Variants in TSEN2 observed in about 807,000 individuals in gnomAD.
The protein encoded by TSEN2 is tRNA splicing endonuclease subunit 2.
A neutral mutation model predicts 59.2 loss-of-function variants in TSEN2; 54 were observed. The ratio of observed to expected loss-of-function variants is 0.91; its 90% CI spans 0.73 to 1.14. The LOEUF (loss-of-function observed/expected upper bound fraction) is 1.14, where lower values mean the gene tolerates loss of function less well. Among genes scored for constraint, TSEN2 ranks in the 50% most tolerant of loss-of-function variants. The pLI is 0.00. For synonymous variants in TSEN2, 195 were observed against 198.2 expected (o/e 0.98, Z 0.14); for missense variants, 636 against 576.2 (o/e 1.10, Z -1.06).
intron 8 of TSEN2, among the ~76,000 whole-genome samples, chr3:12,522,197 G>A (rs2056703202): frequency 6.6e-6 from 1 of 151,886 alleles, no homozygotes; most frequent in Non-Finnish European, 1.5e-5. Flanking sequence ...GATGCATAGG[G>A]GAAGCTTCCT....
intron 1 of TSEN2, 107 bp downstream of exon 1, chr3:12,484,987 C>G (rs1041768157): frequency 2.0e-5 from 3 of 152,316 alleles, no homozygotes; most frequent in African/African-American, 4.8e-5. Context: ...TGGTAGGCCC[C>G]GAACGAAACG....
At chr3:12,517,219 G>C (rs1026750936) in intron 7 of TSEN2, among the ~76,000 whole-genome samples, 2 of 151,982 alleles carry the variant, frequency 1.3e-5, no homozygotes, top group Non-Finnish European at 2.9e-5. Context: ...TTAGCCGGGC[G>C]TGTTGGCATG....
At chr3:12,492,783 A>G (rs1559280468) in intron 3 of TSEN2, among the ~76,000 whole-genome samples, 1 of 152,228 alleles carries the variant, frequency 6.6e-6, no homozygotes, top group Non-Finnish European at 1.5e-5. Flanking sequence ...CAGAAATCCA[A>G]AAGTCTGACA....
chr3:12,530,833 T>G (rs1382516271), intron 10 of TSEN2: 1 of 876,226 alleles, frequency 1.1e-6, no homozygotes. Flanking sequence ...ACAAAACCGT[T>G]TTTTCTTCTC....
Position 12,532,956 on chromosome 3 carries a change from T to G in TSEN2, c.*235T>G, listed in dbSNP as rs1575483736. The G allele has an allele frequency of 3.5e-6, 2 of 576,174 alleles. No individual in the cohort carries two copies. Among genetic ancestry groups the G allele is most frequent in the East Asian group, 3.0e-5 (1 of 33,770 alleles). 35.7% of individuals were successfully genotyped at this position (576,174 alleles called of 1,614,324 possible). Reference sequence around the variant, plus strand: ...GCCTCTAACTCTCCAATCCAGAGCCTCCTGCCTCTGGCGTCAGTCTTTTCC... The same window carrying G: ...GCCTCTAACTCTCCAATCCAGAGCCGCCTGCCTCTGGCGTCAGTCTTTTCC... On this transcript the variant is annotated 3_prime_UTR_variant, in exon 12 of 12. Transcript: ENST00000284995.
intron 6 of TSEN2, among the ~76,000 whole-genome samples, chr3:12,512,970 C>T (rs769605369): frequency 1.1e-4 from 17 of 152,224 alleles, no homozygotes; most frequent in African/African-American, 2.9e-4. Context: ...ATTAGTACTG[C>T]GAAAGTAAAA....
intron 8 of TSEN2, among the ~76,000 whole-genome samples, chr3:12,523,595 A>ACGATCT (rs2056845327): frequency 7.8e-6 from 1 of 127,396 alleles, no homozygotes; most frequent in Non-Finnish European, 1.6e-5. Context: ...GTGCAGTGGC[A>ACGATCT]CGATCTCGAT....
chr3:12,537,492 C>T (rs150026250), downstream of TSEN2, among the ~76,000 whole-genome samples: 443 of 152,304 alleles, frequency 2.9e-3, 2 homozygotes, highest in African/African-American at 0.01. Context: ...TTTTAGCTGA[C>T]TTTTATTGTT....
chr3:12,488,573 T>G (rs1559270184), intron 1 of TSEN2, among the ~76,000 whole-genome samples: 2 of 152,228 alleles, frequency 1.3e-5, no homozygotes, highest in Non-Finnish European at 2.9e-5. Context: ...TAGACATTAG[T>G]GGATAACAGC....
In TSEN2 at chr3:12,510,455, A is replaced by G. The variant is rs544048989; in HGVS notation, c.909+5224A>G. 9.8e-5 allele frequency among the ~76,000 whole-genome samples: 15 copies of G among 152,288 alleles called. No individual in the cohort carries two copies. In the South Asian group the frequency reaches 3.1e-3, roughly 32 times the overall value. On this transcript the variant is annotated intron_variant, in intron 6 of 11. Coordinates refer to ENST00000284995, the MANE Select transcript of TSEN2 (RefSeq NM_025265.4). ...TAAAGCTTTTAAAGTGCGTGAGAAA[A>G]TTTCTCTTATTTAGAAAATAAAGAC...
intron 1 of TSEN2, among the ~76,000 whole-genome samples, chr3:12,485,226 G>A (rs956519906): frequency 1.3e-5 from 2 of 152,192 alleles, no homozygotes; most frequent in African/African-American, 4.8e-5. Flanking sequence ...TTTTAACCAG[G>A]TTTGTTTGGC....
chr3:12,492,101 G>A, intron 2 of TSEN2, 35 bp from the exon 3 acceptor site: 1 of 1,576,124 alleles, frequency 6.3e-7, no homozygotes, highest in African/African-American at 1.3e-5. Context: ...TGGTAACTAA[G>A]CATGAACTAA....
At chr3:12,510,137 G>A (rs1194095522) in intron 6 of TSEN2, among the ~76,000 whole-genome samples, 1 of 152,162 alleles carries the variant, frequency 6.6e-6, no homozygotes, top group Admixed American at 6.6e-5. Context: ...ATTGAATTGA[G>A]GTATATCAAA....
chr3:12,531,639 A>G lies in TSEN2; in HGVS notation c.1318A>G (p.Met440Val), dbSNP rs1271225288. 1.2e-6 allele frequency: 2 copies of G among 1,610,704 alleles called. No individual in the cohort carries two copies. Among genetic ancestry groups the G allele is most frequent in the Non-Finnish European group, 8.5e-7 (1 of 1,176,804 alleles). The change falls in exon 11 of 12, where the codon ATG becomes GTG. Residue 440 changes from methionine (M) to valine (V), a missense_variant. Coordinates refer to ENST00000284995, the MANE Select transcript of TSEN2 (RefSeq NM_025265.4). ...TDKEMESPEC[M>V]KRIKVQEVIL... ...CAAGGAAATGGAGTCACCAGAATGTATGAAAAGGATTAAAGTTCAGGTGGG... is the reference window on the plus strand; with the variant it reads ...CAAGGAAATGGAGTCACCAGAATGTGTGAAAAGGATTAAAGTTCAGGTGGG...
chr3:12,536,889 G>A (rs1246991119), downstream of TSEN2, among the ~76,000 whole-genome samples: 1 of 151,964 alleles, frequency 6.6e-6, no homozygotes. Context: ...TGTAATCCCA[G>A]CTACTCAGGA....
At chr3:12,532,523 G>A (rs1575481561) in intron 11 of TSEN2, 139 bp from the exon 12 acceptor site, 1 of 765,428 alleles carries the variant, frequency 1.3e-6, no homozygotes. Flanking sequence ...TTCTCCAGAT[G>A]TTTCTGTTCT....
At chr3:12,486,202 C>T (rs1422331625) in intron 1 of TSEN2, among the ~76,000 whole-genome samples, 7 of 152,202 alleles carry the variant, frequency 4.6e-5, no homozygotes, top group Non-Finnish European at 1.0e-4. Flanking sequence ...TGGTACCTAC[C>T]TATGACAGTT....
chr3:12,531,915 AC>A (rs1410371680), intron 11 of TSEN2, among the ~76,000 whole-genome samples: 1 of 152,050 alleles, frequency 6.6e-6, no homozygotes, highest in African/African-American at 2.4e-5. Flanking sequence ...CTGCTCTCTT[AC>A]AGGTGGCCTG....
chr3:12,526,579 C>T (rs1201159900), intron 8 of TSEN2, among the ~76,000 whole-genome samples: 1 of 152,184 alleles, frequency 6.6e-6, no homozygotes, highest in East Asian at 1.9e-4. Context: ...CCTAAGGACT[C>T]ATATCTTAGA....
Sources: gnomAD v4.1 joint callset for allele counts (sites outside exome capture counted in the v4.1 genomes callset) on GRCh38, gnomAD v4.1.1 for gene constraint, MANE v1.5 for transcripts, NCBI Gene and HGNC (gene_info 2026-07-23, HGNC 2026-07-21) for gene names.